ADAM10: variants seen among roughly 807,000 people sequenced by gnomAD.
ADAM10 encodes disintegrin and metalloproteinase domain-containing protein 10.
ADAM10 carries 17 observed loss-of-function variants against 90.1 expected under a neutral mutation model. That is an observed-to-expected ratio of 0.19 (90% CI 0.13 to 0.28). ADAM10 has a LOEUF of 0.28. Ranked by LOEUF, ADAM10 falls within the 10% of genes least tolerant of loss-of-function variation. The pLI is 1.00. For missense variants in ADAM10, 610 were observed against 914.3 expected, an observed-to-expected ratio of 0.67 and a Z score of 4.29; for synonymous variants, 310 against 298.6, an observed-to-expected ratio of 1.04 and a Z score of -0.40.
At chr15:58,746,281 T>G (rs1180058576) in intron 1 of ADAM10, among the ~76,000 whole-genome samples, 1 of 152,158 alleles carries the variant, frequency 6.6e-6, no homozygotes, top group Non-Finnish European at 1.5e-5. Flanking sequence ...AATGTTCCAT[T>G]TGCCCCAAGC....
Position 58,685,498 on chromosome 15 carries a change from A to AAG in ADAM10, c.207-3186_207-3185dup, listed in dbSNP as rs1566994165. 4.0e-3 allele frequency among the ~76,000 whole-genome samples: 585 copies of AAG among 144,668 alleles called. 9 individuals are homozygous for AAG. Among genetic ancestry groups the AAG allele is most frequent in the African/African-American group, 0.014 (554 of 39,520 alleles). The allele number at this position is 144,668 out of a possible 152,430, so 94.9% of individuals were successfully genotyped here. A position where few individuals can be genotyped will look rare whatever the true frequency, so the allele number is the denominator to read the frequency against. On this transcript the variant is annotated intron_variant, in intron 2 of 15. Transcript: ENST00000260408. ...ATAAATAAATAAATAAGATACAAAAAAGAATATAGTACGTTACCTTTTTTT... is the reference window on the plus strand; with the variant it reads ...ATAAATAAATAAATAAGATACAAAAAAGAGAATATAGTACGTTACCTTTTTTT...
At chr15:58,684,866 A>G (rs1897543250) in intron 2 of ADAM10, among the ~76,000 whole-genome samples, 1 of 152,200 alleles carries the variant, frequency 6.6e-6, no homozygotes. Context: ...TGGGGTCTGC[A>G]CTAGCTCCAG....
Position 58,633,244 on chromosome 15 carries a change from G to C in ADAM10, c.1128C>G (p.Val376=). The change falls in exon 9 of 16, where the codon GTC becomes GTG. Residue 376 remains valine, a synonymous_variant. Coordinates refer to ENST00000260408, the MANE Select transcript of ADAM10 (RefSeq NM_001110.4). ...QNYGSHVPPK[V]SHITFAHEVG... Reference sequence around the variant, plus strand: ...CTTCGTGAGCAAAAGTAATGTGAGAGACTTTGGGAGGTACATGAGACCCAT... The same window carrying C: ...CTTCGTGAGCAAAAGTAATGTGAGACACTTTGGGAGGTACATGAGACCCAT... 6.2e-7 allele frequency: 1 copy of C among 1,613,492 alleles called. No individual in the cohort carries two copies. The highest frequency in any genetic ancestry group is 8.5e-7 in the Non-Finnish European group (1 of 1,179,532).
At position 58,687,581 on chromosome 15, in the gene ADAM10, T is replaced by TA. The variant is rs58319754; in HGVS notation, c.207-5268dup. On this transcript the variant is annotated intron_variant, in intron 2 of 15. Coordinates refer to ENST00000260408, the MANE Select transcript of ADAM10 (RefSeq NM_001110.4). The stretch of plus-strand genomic sequence containing the variant: ...AATAAAATTTCTGCTTAATTAATCA[T>TA]AAAAAAAAAAAAGGCTCAAAAGGGT... Among the ~76,000 whole-genome samples the TA allele has an allele frequency of 6.4e-3, 830 of 129,122 alleles. 5 individuals are homozygous for TA. The highest frequency in any genetic ancestry group is 0.019 in the African/African-American group (708 of 37,880). 84.7% of individuals were successfully genotyped at this position (129,122 alleles called of 152,430 possible). A position where few individuals can be genotyped will look rare whatever the true frequency, so the allele number is the denominator to read the frequency against.
chr15:58,671,367 T>C (rs1419640361), intron 4 of ADAM10, among the ~76,000 whole-genome samples: 1 of 152,194 alleles, frequency 6.6e-6, no homozygotes, highest in Non-Finnish European at 1.5e-5. Context: ...GATCTCACAA[T>C]GCCTCTTTAG....
intron 4 of ADAM10, among the ~76,000 whole-genome samples, chr15:58,672,054 T>C (rs1389693366): frequency 9.1e-6 from 1 of 110,196 alleles, no homozygotes; most frequent in African/African-American, 5.9e-5. Context: ...TTACTCAATT[T>C]ATTTGTAAAA....
chr15:58,636,173 A>G (rs958920080), intron 8 of ADAM10, among the ~76,000 whole-genome samples: 4 of 151,880 alleles, frequency 2.6e-5, no homozygotes, highest in African/African-American at 9.7e-5. Context: ...GCTACTCAGG[A>G]GGCTGAGGCA....
At chr15:58,664,983 C>A (rs1428660605) in intron 5 of ADAM10, 114 bp downstream of exon 5, 2 of 851,734 alleles carry the variant, frequency 2.3e-6, no homozygotes, top group Non-Finnish European at 3.9e-6. Context: ...AAAAAACATT[C>A]CCCACAGTGG....
chr15:58,705,936 G>A (rs1328218869), intron 2 of ADAM10, among the ~76,000 whole-genome samples: 1 of 152,124 alleles, frequency 6.6e-6, no homozygotes, highest in African/African-American at 2.4e-5. Context: ...TTTGTAAACT[G>A]ACCTTTATCA....
At chr15:58,670,067 A>G (rs982923725) in intron 4 of ADAM10, among the ~76,000 whole-genome samples, 2 of 152,110 alleles carry the variant, frequency 1.3e-5, no homozygotes, top group African/African-American at 4.8e-5. Flanking sequence ...AAAGTTATCA[A>G]TATTATAAAC....
intron 6 of ADAM10, among the ~76,000 whole-genome samples, chr15:58,645,344 C>T (rs774656544): frequency 1.6e-4 from 24 of 152,178 alleles, no homozygotes; most frequent in Non-Finnish European, 2.5e-4. Flanking sequence ...TCAACCTATT[C>T]ACCATATACA....
intron 4 of ADAM10, among the ~76,000 whole-genome samples, chr15:58,671,067 C>G (rs1436292257): frequency 6.6e-6 from 1 of 152,148 alleles, no homozygotes; most frequent in African/African-American, 2.4e-5. Flanking sequence ...AGTTCTTTGA[C>G]ATATTACCTC....
At position 58,705,114 on chromosome 15, in the gene ADAM10, T is replaced by C. The variant is rs530120806; in HGVS notation, c.206+12463A>G. 2.7e-3 allele frequency among the ~76,000 whole-genome samples: 410 copies of C among 152,366 alleles called. 2 individuals carry two copies. Among genetic ancestry groups the C allele is most frequent in the Admixed American group, 4.9e-3 (75 of 15,308 alleles). On this transcript the variant is annotated intron_variant, in intron 2 of 15. Coordinates refer to ENST00000260408, the MANE Select transcript of ADAM10 (RefSeq NM_001110.4). ...ACAAAAAACTCTCTTTGATTTTTAA[T>C]GCTTGAGCCACTTTCAAGACTATGG...
intron 5 of ADAM10, among the ~76,000 whole-genome samples, chr15:58,658,222 T>G (rs555936083): frequency 1.2e-4 from 19 of 152,298 alleles, no homozygotes; most frequent in African/African-American, 4.6e-4. Context: ...ATCTCAATTT[T>G]TTTTTCATAT....
intron 11 of ADAM10, among the ~76,000 whole-genome samples, chr15:58,617,057 C>T (rs1031744887): frequency 6.6e-6 from 1 of 151,658 alleles, no homozygotes; most frequent in Non-Finnish European, 1.5e-5. Flanking sequence ...TGCAGTGAGC[C>T]GAGATTGCAC....
chr15:58,676,771 C>T (rs1471839041), intron 4 of ADAM10, among the ~76,000 whole-genome samples: 1 of 151,994 alleles, frequency 6.6e-6, no homozygotes, highest in Non-Finnish European at 1.5e-5. Context: ...GAGGTATGAT[C>T]ACACCACTGA....
chr15:58,679,010 T>C, intron 4 of ADAM10, 114 bp downstream of exon 4: 1 of 1,063,544 alleles, frequency 9.4e-7, no homozygotes, highest in Non-Finnish European at 1.4e-6. Context: ...AACTATGTTC[T>C]AGCCTGATTA....
chr15:58,712,943 G>A (rs1290499816), intron 2 of ADAM10, among the ~76,000 whole-genome samples: 1 of 152,144 alleles, frequency 6.6e-6, no homozygotes, highest in African/African-American at 2.4e-5. Flanking sequence ...AGGACTGAGA[G>A]AAAACAAATT....
chr15:58,592,754 T>A lies in ADAM10; in HGVS notation c.*4793A>T, dbSNP rs954986954. ...TTCTAAGGATGGGACTCTGATTTAA[T>A]ATATATATATATATATATTAAATCG... On this transcript the variant is annotated 3_prime_UTR_variant, in exon 16 of 16. Coordinates refer to ENST00000260408, the MANE Select transcript of ADAM10 (RefSeq NM_001110.4). The A allele has an allele frequency of 1.1e-5, 1 of 90,838 alleles. No individual in the cohort carries two copies. Among genetic ancestry groups the A allele is most frequent in the African/African-American group, 5.8e-5 (1 of 17,132 alleles). 5.6% of individuals were successfully genotyped at this position (90,838 alleles called of 1,614,324 possible).
Sources: gnomAD v4.1 joint callset for allele counts (sites outside exome capture counted in the v4.1 genomes callset) on GRCh38, gnomAD v4.1.1 for gene constraint, MANE v1.5 for transcripts, NCBI Gene and HGNC (gene_info 2026-07-23, HGNC 2026-07-21) for gene names.